Variants in NUP160 observed in about 807,000 individuals in gnomAD.
The protein encoded by NUP160 is nuclear pore complex protein Nup160.
Under a neutral mutation model 196.9 loss-of-function variants are expected in NUP160, and 94 were observed. That is an observed-to-expected ratio of 0.48 (90% confidence interval 0.40 to 0.57). NUP160 has a LOEUF of 0.57. Among genes scored for constraint, NUP160 ranks in the 20% least tolerant of loss-of-function variants. The probability of loss-of-function intolerance (pLI) is 0.00; values close to 1 mark genes in which losing one functional copy is unlikely to be tolerated. For missense variants in NUP160, 1,638 were observed against 1,748.3 expected (o/e 0.94, Z 1.13); for synonymous variants, 605 against 619.7 (o/e 0.98, Z 0.35).
At chr11:47,808,117 T>C (rs1378976014) in intron 18 of NUP160, among the ~76,000 whole-genome samples, 1 of 152,110 alleles carries the variant, frequency 6.6e-6, no homozygotes, top group East Asian at 1.9e-4. Context: ...ACCCCATCTC[T>C]ACAAAAGTAC....
intron 2 of NUP160, among the ~76,000 whole-genome samples, chr11:47,847,552 A>G (rs1401875489): frequency 6.8e-6 from 1 of 147,798 alleles, no homozygotes; most frequent in Non-Finnish European, 1.5e-5. Context: ...ATAAAAACAT[A>G]ACGGGTTCAT....
At position 47,793,736 on chromosome 11, in the gene NUP160, T is replaced by G. The variant is rs1379414569; in HGVS notation, c.3290-790A>C. On this transcript the variant is annotated intron_variant, in intron 27 of 35. Coordinates refer to ENST00000378460, the Ensembl canonical transcript of NUP160. Reference sequence around the variant, plus strand: ...GTAAGATATCTGTTTTTTTTTTTTTTTTTTTTTTTTTTTTTTTTTTTGAGA... The same window carrying G: ...GTAAGATATCTGTTTTTTTTTTTTTGTTTTTTTTTTTTTTTTTTTTTGAGA... 8.3e-4 allele frequency among the ~76,000 whole-genome samples: 113 copies of G among 136,910 alleles called. 2 individuals carry two copies. Among genetic ancestry groups the G allele is most frequent in the African/African-American group, 1.8e-3 (64 of 35,320 alleles). The allele number at this position is 136,910 out of a possible 152,430, so 89.8% of individuals were successfully genotyped here.
rs1366768566 is a variant in NUP160 at position 47,840,083 on chromosome 11, AG to A, written c.526-19del. ...ACCAACTCCTGTTGAGTAATTAAAA[AG>A]AAAAATCTATTAAATCAAAATAACC... On this transcript the variant is annotated intron_variant, in intron 3 of 35. Coordinates refer to ENST00000378460, the Ensembl canonical transcript of NUP160. The A allele has an allele frequency of 1.9e-6, 3 of 1,569,552 alleles. No individual in the cohort carries two copies. In the East Asian group the frequency reaches 6.7e-5, roughly 35 times the overall value.
chr11:47,844,112 A>G (rs1256603388), intron 2 of NUP160, among the ~76,000 whole-genome samples: 1 of 152,210 alleles, frequency 6.6e-6, no homozygotes, highest in Non-Finnish European at 1.5e-5. Context: ...TGCAACAGTA[A>G]TTCTAACAAA....
exon 34 of NUP160, chr11:47,783,159 A>T: frequency 2.5e-6 from 4 of 1,613,932 alleles, no homozygotes; most frequent in African/African-American, 2.7e-5. Flanking sequence ...AAAAGGTCAT[A>T]GTTTAAGTAT....
chr11:47,786,407 C>A (rs753787648), intron 32 of NUP160, 46 bp downstream of exon 32: 1 of 1,209,108 alleles, frequency 8.3e-7, no homozygotes, highest in Non-Finnish European at 1.2e-6. Context: ...ACAGTTACAG[C>A]TTTTAGAAAG....
rs1450538675 is a variant in NUP160 at position 47,809,253 on chromosome 11, T to C, written c.2242-724A>G. ...TGGGCACAACAGAAGTGAGAACTTG[T>C]CTCAAAAAAAAAAAAAAAAAAAAGA... On this transcript the variant is annotated intron_variant, in intron 17 of 35. Coordinates refer to ENST00000378460, the Ensembl canonical transcript of NUP160. Among the ~76,000 whole-genome samples, 6 of 60,382 alleles carry C rather than the reference T, an allele frequency of 9.9e-5. No individual in the cohort carries two copies. The Admixed American group carries it at 1.6e-3, about 16-fold the overall frequency. The allele number at this position is 60,382 out of a possible 152,430, so 39.6% of individuals were successfully genotyped here.
At chr11:47,779,285 T>A in intron 35 of NUP160, 91 bp from the exon 36 acceptor site, 1 of 772,086 alleles carries the variant, frequency 1.3e-6, no homozygotes, top group East Asian at 2.7e-5. Flanking sequence ...CCAAGTAGAT[T>A]CCACCTTATA....
chr11:47,821,908 T>C, intron 8 of NUP160, 87 bp from the exon 9 acceptor site: 1 of 1,131,060 alleles, frequency 8.8e-7, no homozygotes, highest in South Asian at 1.3e-5. Flanking sequence ...GTAGGAGAGG[T>C]AAATGTATGA....
At chr11:47,826,571 T>C (rs866087642) in intron 7 of NUP160, among the ~76,000 whole-genome samples, 28 of 114,674 alleles carry the variant, frequency 2.4e-4, no homozygotes, top group East Asian at 1.3e-3. Flanking sequence ...CCCCCCCCCC[T>C]TTTTTTTTTG....
In NUP160 at chr11:47,845,108, G is replaced by A. The variant is rs547688267; in HGVS notation, c.314+2740C>T. On this transcript the variant is annotated intron_variant, in intron 2 of 35. Coordinates refer to ENST00000378460, the Ensembl canonical transcript of NUP160. ...TAAAAATGGGCAACCAGCAGCCCTC[G>A]GAGCTACTCTGTCTATGGAGTAGCC... Among the ~76,000 whole-genome samples the A allele has an allele frequency of 3.9e-5, 6 of 152,222 alleles. No homozygotes were observed. In the East Asian group the frequency reaches 9.6e-4, roughly 24 times the overall value.
At chr11:47,831,875 G>T (rs1358779718) in intron 7 of NUP160, among the ~76,000 whole-genome samples, 9 of 120,196 alleles carry the variant, frequency 7.5e-5, no homozygotes, top group Admixed American at 8.5e-5. Context: ...AAAAGAGACA[G>T]ATCTGATCTA....
At chr11:47,847,814 C>T (rs1166927478) in intron 2 of NUP160, 34 bp downstream of exon 2, 1 of 1,472,180 alleles carries the variant, frequency 6.8e-7, no homozygotes. Flanking sequence ...CAAACCCTAC[C>T]TTCCAGGGGA....
intron 7 of NUP160, among the ~76,000 whole-genome samples, chr11:47,824,018 T>TAC (rs1378680310): frequency 1.0e-4 from 6 of 59,198 alleles, no homozygotes; most frequent in Non-Finnish European, 1.7e-4. Context: ...CATATATATA[T>TAC]ATATATATAT....
chr11:47,814,070 CAAAAAA>C (rs5791787), intron 13 of NUP160, among the ~76,000 whole-genome samples: 2 of 39,834 alleles, frequency 5.0e-5, no homozygotes, highest in Non-Finnish European at 9.0e-5. Context: ...GACTCTGTCT[CAAAAAA>C]AAAAAAAAAA....
rs571021177 is a variant in NUP160 at position 47,833,224 on chromosome 11, C to T, written c.1101+2427G>A. ...ATCCCAGCACTTTGGGAGGCTGAGG[C>T]GGGTGGATCACCTGAGGTCAGGAGT... On this transcript the variant is annotated intron_variant, in intron 7 of 35. Transcript: ENST00000378460. 5.9e-5 allele frequency among the ~76,000 whole-genome samples: 9 copies of T among 152,096 alleles called. No homozygotes were observed. In the South Asian group the frequency reaches 6.2e-4, roughly 11 times the overall value.
intron 23 of NUP160, among the ~76,000 whole-genome samples, chr11:47,801,602 G>A (rs1482412253): frequency 6.6e-6 from 1 of 152,036 alleles, no homozygotes; most frequent in Non-Finnish European, 1.5e-5. Flanking sequence ...TGCCTGCTTT[G>A]GCCTCCCAAA....
Position 47,786,558 on chromosome 11 carries a change from G to C in NUP160, c.3747-4C>G, listed in dbSNP as rs1160941913. 1 of 1,592,840 alleles carries C rather than the reference G, an allele frequency of 6.3e-7. No individual in the cohort carries two copies. The highest frequency in any genetic ancestry group is 1.3e-5 in the African/African-American group (1 of 74,482). On this transcript the variant is annotated splice_polypyrimidine_tract_variant and splice_region_variant and intron_variant, in intron 31 of 35. Coordinates refer to ENST00000378460, the Ensembl canonical transcript of NUP160. The stretch of plus-strand genomic sequence containing the variant: ...TCCAAATTGCAATTTGATGCATCTG[G>C]AATGAAAATGGTTCCACACTTGAAA...
intron 7 of NUP160, among the ~76,000 whole-genome samples, chr11:47,831,538 A>C (rs1214963441): frequency 6.6e-6 from 1 of 152,158 alleles, no homozygotes; most frequent in African/African-American, 2.4e-5. Context: ...ACAGTGAGAA[A>C]ATTATGACAA....
Sources: allele counts gnomAD v4.1 joint callset (sites outside exome capture counted in the v4.1 genomes callset), GRCh38; gene constraint gnomAD v4.1.1; transcripts MANE v1.5; gene names NCBI Gene and HGNC (gene_info 2026-07-23, HGNC 2026-07-21).